Variants in XNDC1N observed in about 807,000 individuals in gnomAD.
XNDC1N encodes the protein XRCC1 N-terminal domain containing 1, N-terminal like.
At chr11:71,872,431 G>C in the XNDC1N span, among the ~76,000 whole-genome samples, 7 of 152,154 alleles carry the variant, frequency 4.6e-5, no homozygotes, top group Admixed American at 1.3e-4. Flanking sequence ...TAATCACCTA[G>C]CTCAATCTGT....
the XNDC1N span, among the ~76,000 whole-genome samples, chr11:71,877,786 A>G: frequency 1.3e-5 from 2 of 152,156 alleles, no homozygotes; most frequent in Non-Finnish European, 2.9e-5. Flanking sequence ...CTCGTGTTGC[A>G]TTGCCGTTTC....
At chr11:71,906,949 A>T in the XNDC1N span, among the ~76,000 whole-genome samples, 24 of 152,244 alleles carry the variant, frequency 1.6e-4, no homozygotes, top group South Asian at 5.0e-3. Context: ...AAACCCTGTG[A>T]CATAAGGAGT....
the XNDC1N span, among the ~76,000 whole-genome samples, chr11:71,908,258 G>A: frequency 6.6e-6 from 1 of 151,510 alleles, no homozygotes; most frequent in Non-Finnish European, 1.5e-5. Context: ...ATAATTATTA[G>A]GAGCTAATAT....
the XNDC1N span, among the ~76,000 whole-genome samples, chr11:71,869,629 T>G: frequency 6.6e-6 from 1 of 152,230 alleles, no homozygotes; most frequent in Non-Finnish European, 1.5e-5. Flanking sequence ...AAGGGCTATT[T>G]TGTCTTTCAA....
chr11:71,886,130 T>C, the XNDC1N span, among the ~76,000 whole-genome samples: 371 of 152,122 alleles, frequency 2.4e-3, 2 homozygotes, highest in African/African-American at 8.5e-3. Flanking sequence ...GGTCACGTGG[T>C]GGAGAGGCGT....
At chr11:71,882,093 C>T in the XNDC1N span, among the ~76,000 whole-genome samples, 1 of 151,572 alleles carries the variant, frequency 6.6e-6, no homozygotes, top group Admixed American at 6.6e-5. Flanking sequence ...AAAAGAAAAT[C>T]TTAAAAGAAG....
chr11:71,905,844 T>C, the XNDC1N span, among the ~76,000 whole-genome samples: 1 of 151,992 alleles, frequency 6.6e-6, no homozygotes. Context: ...ATTACAAATA[T>C]TATCCCAGTG....
At chr11:71,910,864 A>G in the XNDC1N span, among the ~76,000 whole-genome samples, 1 of 152,174 alleles carries the variant, frequency 6.6e-6, no homozygotes. Context: ...CACCAAGGGG[A>G]CAGGGACCGG....
the XNDC1N span, chr11:71,903,942 A>G: frequency 4.2e-6 from 2 of 471,482 alleles, no homozygotes; most frequent in Admixed American, 4.5e-5. Flanking sequence ...TTGTTTGCTG[A>G]TTTTATGGAA....
chr11:71,886,654 C>A, the XNDC1N span, among the ~76,000 whole-genome samples: 3,694 of 152,214 alleles, frequency 0.024, 1 homozygote, highest in East Asian at 0.073. Context: ...CGCATGATTC[C>A]CATGGCTTTA....
At chr11:71,923,057 G>A in the XNDC1N span, among the ~76,000 whole-genome samples, 21 of 152,314 alleles carry the variant, frequency 1.4e-4, no homozygotes, top group Middle Eastern at 3.4e-3. Flanking sequence ...AGCTTTGCCA[G>A]TGCCCTTCAA....
At chr11:71,873,268 T>C in the XNDC1N span, among the ~76,000 whole-genome samples, 1 of 152,200 alleles carries the variant, frequency 6.6e-6, no homozygotes, top group South Asian at 2.1e-4. Context: ...TGTCCTTTTT[T>C]ATACCACTTT....
At chr11:71,878,827 CAA>C in the XNDC1N span, among the ~76,000 whole-genome samples, 11 of 120,182 alleles carry the variant, frequency 9.2e-5, no homozygotes, top group African/African-American at 1.8e-4. Context: ...CCCATCTCTA[CAA>C]AAAAAAAAAA....
chr11:71,867,205 GAAA>G, the XNDC1N span, among the ~76,000 whole-genome samples: 3 of 151,922 alleles, frequency 2.0e-5, no homozygotes, highest in African/African-American at 7.3e-5. Flanking sequence ...CCAACTACTT[GAAA>G]AAAAGAAGAA....
the XNDC1N span, among the ~76,000 whole-genome samples, chr11:71,915,272 C>T: frequency 1.1e-4 from 17 of 151,942 alleles, no homozygotes. Flanking sequence ...CACGGTGAAA[C>T]CCTGTCTCTA....
the XNDC1N span, among the ~76,000 whole-genome samples, chr11:71,899,036 C>A: frequency 1.3e-5 from 2 of 152,090 alleles, no homozygotes; most frequent in African/African-American, 4.8e-5. Context: ...GGAAGAGCCC[C>A]AAATCTTCTA....
chr11:71,884,259 C>T, the XNDC1N span: 15 of 920,678 alleles, frequency 1.6e-5, no homozygotes, highest in Non-Finnish European at 2.3e-5. Flanking sequence ...TTCAGCATCT[C>T]CACTTTTTCT....
the XNDC1N span, among the ~76,000 whole-genome samples, chr11:71,927,300 G>A: frequency 1.3e-5 from 2 of 152,116 alleles, no homozygotes; most frequent in Admixed American, 1.3e-4. Flanking sequence ...TTGGGAGGCC[G>A]AGGCGGGTGG....
chr11:71,926,665 T>C, the XNDC1N span, among the ~76,000 whole-genome samples: 4 of 151,746 alleles, frequency 2.6e-5, no homozygotes, highest in Admixed American at 1.3e-4. Flanking sequence ...TTTTGGGAGG[T>C]TGACGTGGGT....
Sources: gnomAD v4.1 joint callset for allele counts (sites outside exome capture counted in the v4.1 genomes callset) on GRCh38, gnomAD v4.1.1 for gene constraint, MANE v1.5 for transcripts, NCBI Gene and HGNC (gene_info 2026-07-23, HGNC 2026-07-21) for gene names.